CAPS2: variants seen among roughly 807,000 people sequenced by gnomAD.
The protein encoded by CAPS2 is calcyphosin-2.
In CAPS2, 98 loss-of-function variants were observed where a neutral mutation model predicts 86.5. The ratio of observed to expected loss-of-function variants is 1.13; its 90% CI spans 0.96 to 1.34. CAPS2 has a LOEUF of 1.34. CAPS2 is among the 40% of genes most tolerant of loss of function. CAPS2 has a pLI of 0.00. For synonymous variants in CAPS2, 210 were observed against 225.1 expected (o/e 0.93, Z 0.60); for missense variants, 729 against 686.8 (o/e 1.06, Z -0.69).
chr12:75,292,647 C>T (rs908037295), intron 12 of CAPS2, among the ~76,000 whole-genome samples: 6 of 144,198 alleles, frequency 4.2e-5, no homozygotes, highest in South Asian at 4.3e-4. Flanking sequence ...TAGATCTATA[C>T]ATAATAGATC....
At chr12:75,387,298 C>T (rs539040814) in intron 1 of CAPS2, among the ~76,000 whole-genome samples, 9 of 152,238 alleles carry the variant, frequency 5.9e-5, no homozygotes, top group African/African-American at 2.2e-4. Flanking sequence ...CTCAAATAAG[C>T]ATATGAAAAG....
exon 17 of CAPS2, chr12:75,277,993 C>T: frequency 9.0e-6 from 8 of 888,586 alleles, no homozygotes; most frequent in Non-Finnish European, 1.1e-5. Flanking sequence ...TTTTAGGATA[C>T]AAAATATGCT....
intron 14 of CAPS2, among the ~76,000 whole-genome samples, chr12:75,287,467 G>A (rs1770650651): frequency 6.6e-6 from 1 of 152,002 alleles, no homozygotes; most frequent in Non-Finnish European, 1.5e-5. Flanking sequence ...TCCTTCCTGG[G>A]TTTCCTCCTT....
At chr12:75,298,757 T>G (rs2037321043) in exon 11 of CAPS2, 1 of 1,613,816 alleles carries the variant, frequency 6.2e-7, no homozygotes, top group Admixed American at 1.7e-5. Context: ...AATGCTTTTT[T>G]GAATAAAAGG....
At chr12:75,334,550 T>G (rs1565940625), upstream of CAPS2, 1 of 1,408,984 alleles carries the variant, frequency 7.1e-7, no homozygotes, top group Non-Finnish European at 9.2e-7. Context: ...AGGGGAACCC[T>G]GCTGCCTGTT....
At position 75,284,915 on chromosome 12, in the gene CAPS2, C is replaced by T. The variant is rs112509075; in HGVS notation, c.1515+46G>A. 310 of 1,503,470 alleles carry T rather than the reference C, an allele frequency of 2.1e-4. 3 individuals carry two copies. In the African/African-American group the frequency reaches 3.4e-3, roughly 16 times the overall value. 93.1% of individuals were successfully genotyped at this position (1,503,470 alleles called of 1,614,324 possible). ...TAAAGTTTTAAAATACTGAACCTAACAATCTATTAAAAATAACAATTTGAA... is the reference window on the plus strand; with the variant it reads ...TAAAGTTTTAAAATACTGAACCTAATAATCTATTAAAAATAACAATTTGAA... On this transcript the variant is annotated intron_variant, in intron 15 of 16. Transcript: ENST00000393284.
At chr12:75,382,714 A>G (rs984235987) in intron 1 of CAPS2, among the ~76,000 whole-genome samples, 1 of 152,182 alleles carries the variant, frequency 6.6e-6, no homozygotes. Flanking sequence ...TGAGAACTTA[A>G]GGAAACTCAC....
At chr12:75,356,701 A>G (rs774523677) in intron 1 of CAPS2, among the ~76,000 whole-genome samples, 3 of 152,196 alleles carry the variant, frequency 2.0e-5, no homozygotes, top group Non-Finnish European at 4.4e-5. Context: ...ACTATAAATA[A>G]TAATGTTAAA....
chr12:75,276,683 T>G (rs1035425685), downstream of CAPS2: 1 of 814,268 alleles, frequency 1.2e-6, no homozygotes, highest in African/African-American at 1.9e-5. Context: ...CTTTTATTTT[T>G]AAAATATAAA....
intron 4 of CAPS2, among the ~76,000 whole-genome samples, chr12:75,321,961 C>G (rs2040347886): frequency 6.6e-6 from 1 of 151,974 alleles, no homozygotes; most frequent in Non-Finnish European, 1.5e-5. Context: ...AATTGAAGAT[C>G]ATTAATACTG....
At chr12:75,323,833 A>C (rs921542299) in intron 2 of CAPS2, among the ~76,000 whole-genome samples, 15 of 152,318 alleles carry the variant, frequency 9.8e-5, no homozygotes, top group African/African-American at 3.6e-4. Context: ...TCTAGAGATT[A>C]TCTATGTATC....
intron 1 of CAPS2, among the ~76,000 whole-genome samples, chr12:75,389,056 A>AT (rs1376172726): frequency 3.3e-5 from 5 of 152,190 alleles, no homozygotes; most frequent in Non-Finnish European, 7.4e-5. Flanking sequence ...GCCTCAGGCA[A>AT]TTTGATTTCT....
At chr12:75,299,524 T>C (rs1193517347) in intron 9 of CAPS2, among the ~76,000 whole-genome samples, 4 of 152,154 alleles carry the variant, frequency 2.6e-5, no homozygotes, top group Non-Finnish European at 5.9e-5. Flanking sequence ...AAGCAGCTTA[T>C]AAAACATTAG....
exon 6 of CAPS2, chr12:75,316,406 T>C (rs1468769344): frequency 6.4e-7 from 1 of 1,550,720 alleles, no homozygotes. Context: ...CGTAAGGTCA[T>C]CTGTGTTGGC....
At chr12:75,322,735 A>G (rs1340767743) in intron 4 of CAPS2, among the ~76,000 whole-genome samples, 1 of 152,166 alleles carries the variant, frequency 6.6e-6, no homozygotes, top group Non-Finnish European at 1.5e-5. Flanking sequence ...AGCTTGCCAT[A>G]TTTTTAAAAT....
chr12:75,310,659 C>T (rs1375635963), intron 7 of CAPS2, among the ~76,000 whole-genome samples: 1 of 152,092 alleles, frequency 6.6e-6, no homozygotes, highest in Non-Finnish European at 1.5e-5. Context: ...CACCCCTTGA[C>T]CTTGAGCTTT....
At chr12:75,292,135 C>T (rs1281916921) in intron 12 of CAPS2, among the ~76,000 whole-genome samples, 4 of 152,044 alleles carry the variant, frequency 2.6e-5, no homozygotes, top group Non-Finnish European at 4.4e-5. Context: ...GGCGAGATCT[C>T]GGCTCACTGC....
upstream of CAPS2, among the ~76,000 whole-genome samples, chr12:75,331,249 G>A (rs568700777): frequency 6.6e-6 from 1 of 152,160 alleles, no homozygotes; most frequent in South Asian, 2.1e-4. Context: ...TTAGAAGTAA[G>A]AGTTTATGAA....
At chr12:75,289,253 A>G (rs1278825722) in intron 14 of CAPS2, among the ~76,000 whole-genome samples, 1 of 152,040 alleles carries the variant, frequency 6.6e-6, no homozygotes, top group East Asian at 1.9e-4. Flanking sequence ...TCCTTCCATG[A>G]TCTTTGTTCT....
Sources: allele counts gnomAD v4.1 joint callset (sites outside exome capture counted in the v4.1 genomes callset), GRCh38; gene constraint gnomAD v4.1.1; transcripts MANE v1.5; gene names NCBI Gene and HGNC (gene_info 2026-07-23, HGNC 2026-07-21).